The following TOP2B variants were observed in gnomAD, a reference collection of about 807,000 sequenced individuals.
TOP2B encodes the protein DNA topoisomerase II beta.
Under a neutral mutation model 193.5 loss-of-function variants are expected in TOP2B, and 51 were observed. That is an observed-to-expected ratio of 0.26 (90% CI 0.21 to 0.33). TOP2B has a LOEUF of 0.33. TOP2B is among the 10% of genes least tolerant of loss of function. The pLI, the probability that TOP2B is intolerant of heterozygous loss-of-function variation, is 1.00. For synonymous variants in TOP2B, 634 were observed against 635.7 expected, an observed-to-expected ratio of 1.00 and a Z score of 0.04; for missense variants, 1,378 against 1,909.3, an observed-to-expected ratio of 0.72 and a Z score of 5.19.
At chr3:25,628,157 T>A (rs371680468) in intron 15 of TOP2B, among the ~76,000 whole-genome samples, 4 of 142,120 alleles carry the variant, frequency 2.8e-5, no homozygotes, top group African/African-American at 7.9e-5. Context: ...ACTGGCTGGG[T>A]ATTTAACATT....
intron 1 of TOP2B, among the ~76,000 whole-genome samples, chr3:25,663,344 C>T (rs769916356): frequency 8.5e-5 from 13 of 152,168 alleles, no homozygotes; most frequent in Non-Finnish European, 1.6e-4. Flanking sequence ...AAAAATGTAA[C>T]ACTTTTTACT....
chr3:25,607,129 A>G (rs1357456981), intron 31 of TOP2B, 42 bp downstream of exon 31: 1 of 1,596,278 alleles, frequency 6.3e-7, no homozygotes, highest in East Asian at 2.2e-5. Context: ...GCAAATGTTT[A>G]CAACAATTAA....
Position 25,638,152 on chromosome 3 carries a change from A to G in TOP2B, c.541+13T>C, listed in dbSNP as rs1239403634. 1 of 1,559,582 alleles carries G rather than the reference A, an allele frequency of 6.4e-7. No individual in the cohort carries two copies. The highest frequency in any genetic ancestry group is 1.4e-5 in the African/African-American group (1 of 73,670). Reference sequence around the variant, plus strand: ...AACAGTATTTTTCAACCAAAATTCCATTCAGACTTTACCTGTAACTTTTTT... The same window carrying G: ...AACAGTATTTTTCAACCAAAATTCCGTTCAGACTTTACCTGTAACTTTTTT... On this transcript the variant is annotated intron_variant, in intron 5 of 35. Coordinates refer to ENST00000264331, the MANE Select transcript of TOP2B (RefSeq NM_001330700.2).
At chr3:25,633,620 T>G (rs1703022029) in intron 8 of TOP2B, among the ~76,000 whole-genome samples, 1 of 152,206 alleles carries the variant, frequency 6.6e-6, no homozygotes, top group African/African-American at 2.4e-5. Context: ...TATGTTCAAC[T>G]ACAAACACTA....
intron 1 of TOP2B, among the ~76,000 whole-genome samples, chr3:25,660,423 G>T (rs1010185079): frequency 6.6e-6 from 1 of 152,192 alleles, no homozygotes; most frequent in Non-Finnish European, 1.5e-5. Context: ...TATGATTCAT[G>T]AGAGTAACAA....
At chr3:25,640,494 G>T (rs1452696283) in intron 4 of TOP2B, among the ~76,000 whole-genome samples, 1 of 151,368 alleles carries the variant, frequency 6.6e-6, no homozygotes, top group East Asian at 1.9e-4. Context: ...TGAGGTGGGG[G>T]ATATGAAAAA....
chr3:25,603,962 T>C (rs1276509633), intron 33 of TOP2B, among the ~76,000 whole-genome samples: 14 of 152,170 alleles, frequency 9.2e-5, no homozygotes. Flanking sequence ...ATGCACTAAG[T>C]GGTAAGGGAC....
chr3:25,603,435 G>A (rs1702158413), intron 33 of TOP2B, among the ~76,000 whole-genome samples: 1 of 152,116 alleles, frequency 6.6e-6, no homozygotes, highest in African/African-American at 2.4e-5. Flanking sequence ...TAGAGATGGG[G>A]TTTTGCCATG....
intron 31 of TOP2B, among the ~76,000 whole-genome samples, chr3:25,606,857 C>T (rs930738284): frequency 2.6e-5 from 4 of 152,310 alleles, no homozygotes; most frequent in Admixed American, 1.3e-4. Context: ...AACATGGCTA[C>T]ACTGATTTAT....
intron 1 of TOP2B, among the ~76,000 whole-genome samples, chr3:25,661,083 C>T (rs371659567): frequency 4.6e-5 from 7 of 151,608 alleles, no homozygotes; most frequent in African/African-American, 1.7e-4. Flanking sequence ...TCACCGCAAC[C>T]TCCGCCTCCA....
chr3:25,645,901 A>G (rs1407591891), intron 1 of TOP2B, among the ~76,000 whole-genome samples: 2 of 150,644 alleles, frequency 1.3e-5, no homozygotes, highest in Admixed American at 6.6e-5. Flanking sequence ...CTGGGACTAC[A>G]GGTGCGCACC....
rs1559487679 is a variant in TOP2B at position 25,598,271 on chromosome 3, G to T, written c.*36C>A. On this transcript the variant is annotated 3_prime_UTR_variant, in exon 36 of 36. Coordinates refer to ENST00000264331, the MANE Select transcript of TOP2B (RefSeq NM_001330700.2). ...CAGAGAAGACAAAAGGACAACACAA[G>T]ATATTTGTTGAAAAATGTTTGTGCT... 1.3e-6 allele frequency: 2 copies of T among 1,570,392 alleles called. No individual in the cohort carries two copies. Among genetic ancestry groups the T allele is most frequent in the Non-Finnish European group, 1.7e-6 (2 of 1,152,586 alleles).
At position 25,615,255 on chromosome 3, in the gene TOP2B, G is replaced by A. The variant is rs1441188108; in HGVS notation, c.3541C>T (p.Pro1181Ser). Residue 1181 changes from proline to serine, a missense_variant, in exon 27 of 36, where the codon CCT (proline) becomes TCT (serine). Physicochemically the swap from Pro to Ser is moderately conservative, Grantham distance 74. This residue lies in a region of TOP2B where 556 missense variants were observed against 584.2 expected (regional missense o/e 0.95). Transcript: ENST00000264331. ...REVNDLKRKSPSDLWKEDLAA... is the reference protein window; with the variant it reads ...REVNDLKRKSSSDLWKEDLAA... ...AAATCCTCTTTCCAAAGATCTGAAG[G>A]AGATTTTCTTTTAAGATCATTGACC... 1.2e-6 allele frequency: 2 copies of A among 1,612,214 alleles called. No individual in the cohort carries two copies. Among genetic ancestry groups the A allele is most frequent in the Non-Finnish European group, 1.7e-6 (2 of 1,178,976 alleles).
intron 27 of TOP2B, among the ~76,000 whole-genome samples, chr3:25,612,973 G>A (rs1343976409): frequency 6.6e-6 from 1 of 152,132 alleles, no homozygotes; most frequent in Admixed American, 6.5e-5. Flanking sequence ...AGAAGTCTCT[G>A]CCAATTCTTG....
chr3:25,645,235 C>T, intron 2 of TOP2B, 65 bp downstream of exon 2: 1 of 1,352,490 alleles, frequency 7.4e-7, no homozygotes, highest in Non-Finnish European at 9.9e-7. Flanking sequence ...ATAATTTTAT[C>T]AACATATTAA....
intron 1 of TOP2B, among the ~76,000 whole-genome samples, chr3:25,648,339 C>T (rs1447350650): frequency 4.6e-5 from 7 of 152,140 alleles, no homozygotes; most frequent in Admixed American, 4.6e-4. Flanking sequence ...TGGACAGAGG[C>T]AAACCTCTTC....
At chr3:25,632,904 C>G (rs569924785) in intron 8 of TOP2B, 110 bp from the exon 9 acceptor site, 7 of 878,950 alleles carry the variant, frequency 8.0e-6, no homozygotes, top group Non-Finnish European at 1.2e-5. Flanking sequence ...AGTCTCAGAA[C>G]GAGAGTTGAG....
chr3:25,657,799 C>A (rs1054069417), intron 1 of TOP2B, among the ~76,000 whole-genome samples: 1 of 152,180 alleles, frequency 6.6e-6, no homozygotes, highest in Non-Finnish European at 1.5e-5. Context: ...CGGTGGCTGA[C>A]GCCTGTAATC....
chr3:25,647,517 C>G (rs1703442216), intron 1 of TOP2B, among the ~76,000 whole-genome samples: 1 of 151,968 alleles, frequency 6.6e-6, no homozygotes, highest in Non-Finnish European at 1.5e-5. Flanking sequence ...TAAAACCAAC[C>G]CCATCACAAA....
Sources: allele counts gnomAD v4.1 joint callset (sites outside exome capture counted in the v4.1 genomes callset), GRCh38; gene constraint gnomAD v4.1.1; regional missense constraint gnomAD v4.1.1; transcripts MANE v1.5; gene names NCBI Gene and HGNC (gene_info 2026-07-23, HGNC 2026-07-21).